Variants in TBC1D15 observed in about 807,000 individuals in gnomAD.
TBC1D15 encodes the protein TBC1 domain family member 15.
A neutral mutation model predicts 95.4 loss-of-function variants in TBC1D15; 39 were observed. The observed-to-expected ratio is 0.41, with a 90% CI of 0.32 to 0.53. The LOEUF is 0.53. Among genes scored for constraint, TBC1D15 ranks in the 20% least tolerant of loss-of-function variants. The pLI, the probability that TBC1D15 is intolerant of heterozygous loss-of-function variation, is 0.29. For synonymous variants in TBC1D15, 258 were observed against 261.3 expected (o/e 0.99, Z 0.12); for missense variants, 733 against 794.3 (o/e 0.92, Z 0.93).
intron 11 of TBC1D15, among the ~76,000 whole-genome samples, chr12:71,910,246 G>A (rs1208737089): frequency 1.6e-4 from 25 of 151,854 alleles, no homozygotes; most frequent in African/African-American, 5.1e-4. Flanking sequence ...CCAGTACCAT[G>A]CTGTTTTGGT....
intron 14 of TBC1D15, among the ~76,000 whole-genome samples, chr12:71,919,259 C>A (rs1033547590): frequency 6.8e-6 from 1 of 147,192 alleles, no homozygotes; most frequent in Non-Finnish European, 1.5e-5. Flanking sequence ...AGACTGATCT[C>A]GAACTCCTGG....
At chr12:71,906,029 T>A (rs1371031166) in intron 10 of TBC1D15, among the ~76,000 whole-genome samples, 1 of 152,056 alleles carries the variant, frequency 6.6e-6, no homozygotes, top group Non-Finnish European at 1.5e-5. Flanking sequence ...CACACCAGCA[T>A]GCCCAGCTAA....
At chr12:71,888,505 A>G (rs1896665516) in intron 5 of TBC1D15, among the ~76,000 whole-genome samples, 1 of 152,076 alleles carries the variant, frequency 6.6e-6, no homozygotes, top group African/African-American at 2.4e-5. Flanking sequence ...GGTGATGAAA[A>G]TACTGTTATT....
intron 1 of TBC1D15, among the ~76,000 whole-genome samples, chr12:71,871,202 A>G (rs543230371): frequency 6.6e-6 from 1 of 152,308 alleles, no homozygotes; most frequent in Admixed American, 6.5e-5. Context: ...CTATATTCCC[A>G]TAGGAATTTA....
At chr12:71,902,303 C>T (rs937586862) in intron 10 of TBC1D15, among the ~76,000 whole-genome samples, 7 of 152,056 alleles carry the variant, frequency 4.6e-5, no homozygotes, top group Admixed American at 6.6e-5. Context: ...AAGTTGGAGG[C>T]GTCATACTAC....
In TBC1D15 at chr12:71,907,359, A is replaced by G. The variant is rs140245896; in HGVS notation, c.1300+221A>G. 3.6e-4 allele frequency: 120 copies of G among 333,476 alleles called. No individual in the cohort carries two copies. The Middle Eastern group carries it at 6.3e-3, about 17-fold the overall frequency. 20.7% of individuals were successfully genotyped at this position (333,476 alleles called of 1,614,324 possible). Reference sequence around the variant, plus strand: ...GCACCATGGGATATTTAAAATTTTTAAGGGAATTATAAAGACATCTATAGG... The same window carrying G: ...GCACCATGGGATATTTAAAATTTTTGAGGGAATTATAAAGACATCTATAGG... On this transcript the variant is annotated intron_variant, in intron 11 of 16. Transcript: ENST00000485960.
chr12:71,841,046 T>C (rs1042635344), intron 1 of TBC1D15: 1 of 152,224 alleles, frequency 6.6e-6, no homozygotes, highest in African/African-American at 2.4e-5. Context: ...GCATCCTTTT[T>C]TGGATTATTC....
chr12:71,918,267 GTAT>G (rs937703817), intron 13 of TBC1D15, among the ~76,000 whole-genome samples, 181 bp from the exon 14 acceptor site: 4 of 152,218 alleles, frequency 2.6e-5, no homozygotes, highest in Non-Finnish European at 5.9e-5. Flanking sequence ...TTCGTAAAAT[GTAT>G]TATTTGTTAG....
intron 1 of TBC1D15, among the ~76,000 whole-genome samples, chr12:71,851,609 A>G (rs747050833): frequency 9.2e-5 from 14 of 152,220 alleles, no homozygotes; most frequent in Non-Finnish European, 1.3e-4. Context: ...CATTGGGTAA[A>G]TACTCCCATT....
chr12:71,845,696 G>A (rs550172970), intron 1 of TBC1D15, among the ~76,000 whole-genome samples: 2 of 152,156 alleles, frequency 1.3e-5, no homozygotes, highest in South Asian at 2.1e-4. Flanking sequence ...CTGAACTTTT[G>A]TACCTTTTTT....
intron 4 of TBC1D15, among the ~76,000 whole-genome samples, chr12:71,881,404 G>A (rs534136483): frequency 1.3e-5 from 2 of 152,236 alleles, no homozygotes; most frequent in East Asian, 3.9e-4. Context: ...CTCAGCCTTG[G>A]CTGCACATTG....
chr12:71,896,126 G>A, intron 8 of TBC1D15, 51 bp downstream of exon 8: 1 of 1,479,934 alleles, frequency 6.8e-7, no homozygotes, highest in South Asian at 1.4e-5. Flanking sequence ...TAGTATTTAG[G>A]GGTTTTGTTG....
chr12:71,860,199 C>A (rs1305506377), intron 1 of TBC1D15, among the ~76,000 whole-genome samples: 1 of 152,076 alleles, frequency 6.6e-6, no homozygotes, highest in Non-Finnish European at 1.5e-5. Flanking sequence ...AGGCGTCCAG[C>A]TTTGTTCTTT....
chr12:71,849,339 C>A, intron 1 of TBC1D15: 1 of 1,301,622 alleles, frequency 7.7e-7, no homozygotes. Context: ...TCATAGGAGG[C>A]AATGGAGCTT....
At chr12:71,913,645 CT>C (rs1902975228) in intron 11 of TBC1D15, 180 bp from the exon 12 acceptor site, 1 of 503,322 alleles carries the variant, frequency 2.0e-6, no homozygotes, top group South Asian at 2.5e-5. Context: ...ATCTTTCTTA[CT>C]TATGACTAGA....
At chr12:71,919,701 A>G (rs1868501771) in intron 14 of TBC1D15, among the ~76,000 whole-genome samples, 2 of 152,204 alleles carry the variant, frequency 1.3e-5, no homozygotes, top group South Asian at 4.1e-4. Context: ...GGGGTTAAAA[A>G]TGGGTTAATG....
At chr12:71,858,495 T>C (rs1371378014) in intron 1 of TBC1D15, among the ~76,000 whole-genome samples, 1 of 151,594 alleles carries the variant, frequency 6.6e-6, no homozygotes, top group East Asian at 1.9e-4. Flanking sequence ...TTTCTTTTTT[T>C]TTTTTTGAAA....
rs1162367718 is a variant in TBC1D15, at chr12:71,856,974, T to C, written c.31-15096T>C. 2.6e-5 allele frequency among the ~76,000 whole-genome samples: 4 copies of C among 152,260 alleles called. No individual in the cohort carries two copies. In the East Asian group the frequency reaches 7.7e-4, roughly 29 times the overall value. On this transcript the variant is annotated intron_variant, in intron 1 of 16. Transcript: ENST00000485960. The stretch of plus-strand genomic sequence containing the variant: ...ATGGGAATGATAATATCTATCTAAC[T>C]GAATTTTGAGGGTCAGATGTGATAA...
intron 5 of TBC1D15, among the ~76,000 whole-genome samples, chr12:71,890,873 T>TA (rs1859267730): frequency 6.6e-6 from 1 of 152,252 alleles, no homozygotes; most frequent in African/African-American, 2.4e-5. Context: ...ACATTTTTCT[T>TA]ACCTTTCTGA....
Sources: allele counts gnomAD v4.1 joint callset (sites outside exome capture counted in the v4.1 genomes callset), GRCh38; gene constraint gnomAD v4.1.1; transcripts MANE v1.5; gene names NCBI Gene and HGNC (gene_info 2026-07-23, HGNC 2026-07-21).